The following PCDHA1 variants were observed in gnomAD, a reference collection of about 807,000 sequenced individuals.
PCDHA1 encodes protocadherin alpha 1.
A neutral mutation model predicts 61.3 loss-of-function variants in PCDHA1; 42 were observed. That is an observed-to-expected ratio of 0.69 (90% CI 0.54 to 0.89). The LOEUF is 0.89. Ranked by LOEUF, PCDHA1 falls within the 40% of genes least tolerant of loss-of-function variation. The pLI is 0.00. For missense variants in PCDHA1, 1,256 were observed against 1,235.3 expected, an observed-to-expected ratio of 1.02 and a Z score of -0.25; for synonymous variants, 610 against 553.8, an observed-to-expected ratio of 1.10 and a Z score of -1.43.
intron 1 of PCDHA1, chr5:140,830,241 T>C: frequency 6.2e-7 from 1 of 1,613,934 alleles, no homozygotes; most frequent in Non-Finnish European, 8.5e-7. Flanking sequence ...ACGCTACTGC[T>C]GTACACAGCG....
At chr5:140,835,476 C>T in intron 1 of PCDHA1, 3 of 1,613,922 alleles carry the variant, frequency 1.9e-6, no homozygotes, top group Non-Finnish European at 2.5e-6. Flanking sequence ...GGACGCCCAA[C>T]CAGGTACCGT....
At chr5:140,934,729 T>G (rs2090016432) in intron 1 of PCDHA1, among the ~76,000 whole-genome samples, 1 of 152,164 alleles carries the variant, frequency 6.6e-6, no homozygotes, top group Non-Finnish European at 1.5e-5. Context: ...CAAGGCCTTT[T>G]TTAGGTGTCA....
chr5:140,937,371 T>C (rs2153632940), intron 1 of PCDHA1, among the ~76,000 whole-genome samples: 1 of 152,314 alleles, frequency 6.6e-6, no homozygotes, highest in Non-Finnish European at 1.5e-5. Context: ...TCTTAATGTT[T>C]ATGTGTGTGT....
intron 1 of PCDHA1, chr5:140,807,353 C>T: frequency 6.2e-7 from 1 of 1,610,912 alleles, no homozygotes; most frequent in Non-Finnish European, 8.5e-7. Flanking sequence ...GGGACTGGAG[C>T]TGGCGGAGCT....
At chr5:140,807,302 G>A (rs189135254) in intron 1 of PCDHA1, 127 of 1,614,152 alleles carry the variant, frequency 7.9e-5, no homozygotes, top group Non-Finnish European at 5.1e-6. Flanking sequence ...CTCCGAGGAG[G>A]CCAAACACGG....
At chr5:140,968,507 T>A in intron 1 of PCDHA1, 1 of 1,614,178 alleles carries the variant, frequency 6.2e-7, no homozygotes, top group South Asian at 1.1e-5. Context: ...TCACATTCTG[T>A]ACCCTACCTC....
chr5:140,824,519 A>G (rs1465861980), intron 1 of PCDHA1: 1 of 220,416 alleles, frequency 4.5e-6, no homozygotes, highest in African/African-American at 2.3e-5. Flanking sequence ...TGATCTGATC[A>G]TAGCTCACCG....
chr5:140,824,615 T>TTG (rs1554129952), intron 1 of PCDHA1: 1 of 126,010 alleles, frequency 7.9e-6, no homozygotes, highest in Non-Finnish European at 1.6e-5. Context: ...TTAAAGTTTT[T>TTG]TTTTTTTTTT....
At position 140,842,101 on chromosome 5, in the gene PCDHA1, A is replaced by G; in HGVS notation, c.2394+53417A>G. 6.2e-7 allele frequency: 1 copy of G among 1,613,930 alleles called. No individual in the cohort carries two copies. The highest frequency in any genetic ancestry group is 8.5e-7 in the Non-Finnish European group (1 of 1,179,886). ...TCGAAAACGCAGACAACGGAACAAC[A>G]GTTATCAAACTGAATGCTTCTGATC... is the stretch of plus-strand genomic sequence containing the variant. On this transcript the variant is annotated intron_variant, in intron 1 of 3. Coordinates refer to ENST00000504120, the MANE Select transcript of PCDHA1 (RefSeq NM_018900.4).
At chr5:140,827,406 G>A (rs1299421304) in intron 1 of PCDHA1, among the ~76,000 whole-genome samples, 3 of 152,148 alleles carry the variant, frequency 2.0e-5, no homozygotes, top group African/African-American at 7.2e-5. Context: ...ATGTGATAAA[G>A]AATATGCTCT....
chr5:140,833,845 A>G (rs2150211718), intron 1 of PCDHA1, among the ~76,000 whole-genome samples: 239 of 152,320 alleles, frequency 1.6e-3, no homozygotes, highest in African/African-American at 5.6e-3. Flanking sequence ...GATTTTTCTT[A>G]ACAAGCGATA....
chr5:140,796,815 C>T, intron 1 of PCDHA1: 17 of 1,614,132 alleles, frequency 1.1e-5, no homozygotes, highest in Non-Finnish European at 1.4e-5. Flanking sequence ...GTACTGGCAG[C>T]GCTCGCATCC....
chr5:140,840,527 A>G (rs1776748487), intron 1 of PCDHA1, among the ~76,000 whole-genome samples: 1 of 152,080 alleles, frequency 6.6e-6, no homozygotes, highest in African/African-American at 2.4e-5. Context: ...AGAAAGATGA[A>G]GAACTAACAA....
At chr5:140,847,123 C>T (rs1554141658) in intron 1 of PCDHA1, among the ~76,000 whole-genome samples, 1 of 149,564 alleles carries the variant, frequency 6.7e-6, no homozygotes, top group African/African-American at 2.4e-5. Context: ...AGAATGAAAG[C>T]AGGAAAACCA....
intron 1 of PCDHA1, chr5:140,802,616 C>G (rs1554122246): frequency 6.2e-7 from 1 of 1,613,996 alleles, no homozygotes; most frequent in Admixed American, 1.7e-5. Context: ...CGGGCTGCCA[C>G]ATCTTCACGG....
At chr5:140,833,422 G>T (rs548825433) in intron 1 of PCDHA1, among the ~76,000 whole-genome samples, 4 of 152,178 alleles carry the variant, frequency 2.6e-5, no homozygotes, top group Admixed American at 2.0e-4. Context: ...CTGTATGTGA[G>T]ATGGCTGAGC....
At chr5:140,926,470 G>C (rs1244984672) in intron 1 of PCDHA1, 1 of 162,858 alleles carries the variant, frequency 6.1e-6, no homozygotes. Flanking sequence ...AGAAAACACC[G>C]TTTAAGGAGA....
At chr5:140,835,925 C>A (rs1375358248) in intron 1 of PCDHA1, 3 of 1,612,234 alleles carry the variant, frequency 1.9e-6, no homozygotes, top group Non-Finnish European at 2.5e-6. Flanking sequence ...ACGCGGAGAG[C>A]GGCAAGGTGT....
At chr5:140,857,787 T>C in intron 1 of PCDHA1, 1 of 1,597,564 alleles carries the variant, frequency 6.3e-7, no homozygotes, top group Non-Finnish European at 8.6e-7. Flanking sequence ...AGTGAGCTGG[T>C]GCTGCGGTCG....
Sources: gnomAD v4.1 joint callset for allele counts (sites outside exome capture counted in the v4.1 genomes callset) on GRCh38, gnomAD v4.1.1 for gene constraint, MANE v1.5 for transcripts, NCBI Gene and HGNC (gene_info 2026-07-23, HGNC 2026-07-21) for gene names.